Variants in VAPB observed in about 807,000 individuals in gnomAD.
VAPB encodes vesicle-associated membrane protein-associated protein B/C.
In VAPB, 7 loss-of-function variants were observed where a neutral mutation model predicts 25.6. The observed-to-expected ratio is 0.27, with a 90% confidence interval of 0.16 to 0.51. VAPB has a LOEUF of 0.51. Ranked by LOEUF, VAPB falls within the 20% of genes least tolerant of loss-of-function variation. VAPB has a pLI of 0.97. For missense variants in VAPB, 266 were observed against 301.3 expected, an observed-to-expected ratio of 0.88 and a Z score of 0.87; for synonymous variants, 112 against 109.2, an observed-to-expected ratio of 1.03 and a Z score of -0.16.
chr20:58,413,139 C>T (rs373539757), intron 1 of VAPB, among the ~76,000 whole-genome samples: 51 of 132,588 alleles, frequency 3.8e-4, no homozygotes, highest in Middle Eastern at 4.0e-3. Flanking sequence ...TATTTGCCTT[C>T]TTTTTTTTTT....
At position 58,434,679 on chromosome 20, in the gene VAPB, A is replaced by G. The variant is rs752091117; in HGVS notation, c.289A>G (p.Thr97Ala). ...TATGGTTCAGTCTATGTTTGCTCCA[A>G]CTGACACTTCAGATATGGAAGCAGT... is the stretch of plus-strand genomic sequence containing the variant. ...KFMVQSMFAP[T>A]DTSDMEAVWK... The change falls in exon 3 of 6, where the codon ACT becomes GCT. Residue 97 changes from threonine (T) to alanine (A), a missense_variant. Physicochemically the swap from Thr to Ala is moderately conservative, Grantham distance 58 (BLOSUM62 0). Transcript: ENST00000475243. 95 of 1,581,870 alleles carry G rather than the reference A, an allele frequency of 6.0e-5. No homozygotes were observed. The highest frequency in any genetic ancestry group is 7.6e-5 in the Non-Finnish European group (87 of 1,151,092).
chr20:58,440,735 A>G (rs1414673547), intron 4 of VAPB, 172 bp from the exon 5 acceptor site: 4 of 603,030 alleles, frequency 6.6e-6, no homozygotes, highest in African/African-American at 5.6e-5. Flanking sequence ...CTGTTGCTTT[A>G]GATTATTAAG....
chr20:58,397,053 G>C (rs1031704266), intron 1 of VAPB, among the ~76,000 whole-genome samples: 1 of 152,192 alleles, frequency 6.6e-6, no homozygotes, highest in Non-Finnish European at 1.5e-5. Context: ...TAGCTGTCAG[G>C]ACAATTTCTT....
At chr20:58,440,735 A>C in intron 4 of VAPB, 172 bp from the exon 5 acceptor site, 3 of 603,148 alleles carry the variant, frequency 5.0e-6, no homozygotes, top group Non-Finnish European at 8.5e-6. Flanking sequence ...CTGTTGCTTT[A>C]GATTATTAAG....
At chr20:58,433,633 T>C (rs1316168788) in intron 2 of VAPB, among the ~76,000 whole-genome samples, 2 of 152,194 alleles carry the variant, frequency 1.3e-5, no homozygotes, top group Non-Finnish European at 2.9e-5. Context: ...GTTCATTCTT[T>C]TCATGTGAAA....
In VAPB at chr20:58,437,710, G is replaced by A. The variant is rs368254519; in HGVS notation, c.316-1235G>A. ...AGGAGCAGACTTCAGTATTCTTTGC[G>A]ATTTTTTCACTTAACATTCTGGACA... On this transcript the variant is annotated intron_variant, in intron 3 of 5. Transcript: ENST00000475243. Among the ~76,000 whole-genome samples, 26 of 152,272 alleles carry A rather than the reference G, an allele frequency of 1.7e-4. No homozygotes were observed. The East Asian group carries it at 2.7e-3, about 16-fold the overall frequency.
intron 2 of VAPB, among the ~76,000 whole-genome samples, chr20:58,426,609 G>C (rs552502575): frequency 3.5e-4 from 53 of 152,292 alleles, no homozygotes; most frequent in African/African-American, 1.2e-3. Flanking sequence ...AATCCAAGAA[G>C]GGCCAGATTG....
chr20:58,393,279 C>T lies in VAPB; in HGVS notation c.58+3762C>T, dbSNP rs540179170. Among the ~76,000 whole-genome samples, 193 of 152,286 alleles carry T rather than the reference C, an allele frequency of 1.3e-3. 2 individuals are homozygous for T. The highest frequency in any genetic ancestry group is 4.3e-3 in the African/African-American group (177 of 41,558). On this transcript the variant is annotated intron_variant, in intron 1 of 5. Transcript: ENST00000475243. ...TTCCTGGCCTCAAGCAGTCCTCCCG[C>T]CTCAGCCTTCCAAAGTGCTGGGATT...
chr20:58,409,612 T>C (rs1253636466), intron 1 of VAPB, among the ~76,000 whole-genome samples: 1 of 152,170 alleles, frequency 6.6e-6, no homozygotes, highest in Non-Finnish European at 1.5e-5. Context: ...TGTACCTAAT[T>C]TGTGTTTGCA....
chr20:58,450,205 G>A lies in VAPB; in HGVS notation c.*5970G>A. ...ATTCAGCTGTTAATCCTCTAGTACA[G>A]TATCCATGTTAAAATGTTTTTCCAT... is the stretch of plus-strand genomic sequence containing the variant. On this transcript the variant is annotated 3_prime_UTR_variant, in exon 6 of 6. Transcript: ENST00000475243. The A allele has an allele frequency of 4.4e-6, 2 of 453,422 alleles. No individual in the cohort carries two copies. Among genetic ancestry groups the A allele is most frequent in the South Asian group, 3.1e-5 (2 of 64,418 alleles). 28.1% of individuals were successfully genotyped at this position (453,422 alleles called of 1,614,324 possible).
At chr20:58,436,835 G>T (rs1989056975) in intron 3 of VAPB, among the ~76,000 whole-genome samples, 1 of 152,006 alleles carries the variant, frequency 6.6e-6, no homozygotes, top group Admixed American at 6.6e-5. Flanking sequence ...AGCAAGGACA[G>T]TCTCTTATAT....
At chr20:58,402,563 T>G (rs1303913065) in intron 1 of VAPB, among the ~76,000 whole-genome samples, 1 of 91,768 alleles carries the variant, frequency 1.1e-5, no homozygotes, top group Non-Finnish European at 2.3e-5. Flanking sequence ...CCCCCCACCC[T>G]TTTTTTTTTT....
At chr20:58,417,153 A>T (rs1338689171) in intron 1 of VAPB, among the ~76,000 whole-genome samples, 3 of 152,226 alleles carry the variant, frequency 2.0e-5, no homozygotes, top group Non-Finnish European at 4.4e-5. Flanking sequence ...AAAATATGTA[A>T]ATTTGAAAAG....
At chr20:58,423,929 C>T (rs1183250846) in intron 2 of VAPB, among the ~76,000 whole-genome samples, 1 of 152,156 alleles carries the variant, frequency 6.6e-6, no homozygotes, top group Non-Finnish European at 1.5e-5. Flanking sequence ...AAATTACCAA[C>T]AAAAATTCAG....
At position 58,440,722 on chromosome 20, in the gene VAPB, G is replaced by A. The variant is rs12625788; in HGVS notation, c.397-185G>A. ...TTTGCCCTTATCCATAATTTCTAGG[G>A]CCCTGTTGCTTTAGATTATTAAGAT... On this transcript the variant is annotated intron_variant, in intron 4 of 5. Transcript: ENST00000475243. 53,373 of 552,364 alleles carry A rather than the reference G, an allele frequency of 0.097. 3,492 individuals carry two copies. The highest frequency in any genetic ancestry group is 0.28 in the East Asian group (8,190 of 29,426). The allele number at this position is 552,364 out of a possible 1,614,324, so 34.2% of individuals were successfully genotyped here.
intron 1 of VAPB, among the ~76,000 whole-genome samples, chr20:58,411,517 G>A (rs1988377635): frequency 1.3e-5 from 2 of 152,262 alleles, no homozygotes; most frequent in Admixed American, 6.5e-5. Flanking sequence ...CCTGACCTCA[G>A]CTGATCCACC....
chr20:58,422,432 G>A (rs1007262318), intron 2 of VAPB, among the ~76,000 whole-genome samples: 1 of 152,204 alleles, frequency 6.6e-6, no homozygotes, highest in Non-Finnish European at 1.5e-5. Context: ...GATTTCAAAT[G>A]TAAGGAATAA....
chr20:58,433,384 T>G (rs1232444714), intron 2 of VAPB, among the ~76,000 whole-genome samples: 2 of 152,198 alleles, frequency 1.3e-5, no homozygotes, highest in East Asian at 3.8e-4. Context: ...GTTGATTGTG[T>G]GGCTCTAGAG....
intron 5 of VAPB, among the ~76,000 whole-genome samples, chr20:58,442,029 GCTT>G (rs1989172921): frequency 6.6e-6 from 1 of 152,166 alleles, no homozygotes; most frequent in African/African-American, 2.4e-5. Flanking sequence ...GGCAGGGGGT[GCTT>G]CTTTTGGCTT....
Sources: allele counts gnomAD v4.1 joint callset (sites outside exome capture counted in the v4.1 genomes callset), GRCh38; gene constraint gnomAD v4.1.1; transcripts MANE v1.5; gene names NCBI Gene and HGNC (gene_info 2026-07-23, HGNC 2026-07-21).